The following CNTNAP2 variants were observed in gnomAD, a reference collection of about 807,000 sequenced individuals.
The protein encoded by CNTNAP2 is contactin associated protein 2, also known as contactin-associated protein-like 2.
A neutral mutation model predicts 155.2 loss-of-function variants in CNTNAP2; 98 were observed. That is an observed-to-expected ratio of 0.63 (90% CI 0.54 to 0.75). The LOEUF (loss-of-function observed/expected upper bound fraction) is 0.75. Among genes scored for constraint, CNTNAP2 ranks in the 30% least tolerant of loss-of-function variants. The pLI is 0.00. For missense variants in CNTNAP2, 1,727 were observed against 1,688.1 expected (o/e 1.02, Z -0.40); for synonymous variants, 651 against 631.2 (o/e 1.03, Z -0.47).
intron 8 of CNTNAP2, among the ~76,000 whole-genome samples, chr7:147,248,904 T>A (rs190049860): frequency 2.0e-5 from 3 of 152,212 alleles, no homozygotes; most frequent in Non-Finnish European, 4.4e-5. Flanking sequence ...TGTCTTATAA[T>A]TGAGTCAGGA....
chr7:147,696,844 TTGCATGGTCTC>T (rs1303007727), intron 13 of CNTNAP2, among the ~76,000 whole-genome samples: 1 of 152,156 alleles, frequency 6.6e-6, no homozygotes, highest in Non-Finnish European at 1.5e-5. Flanking sequence ...CTCTTCTTGC[TTGCATGGTCTC>T]TGAGGAGATG....
intron 1 of CNTNAP2, among the ~76,000 whole-genome samples, chr7:146,218,747 A>C (rs1230072754): frequency 6.6e-6 from 1 of 152,058 alleles, no homozygotes; most frequent in Non-Finnish European, 1.5e-5. Context: ...ATTAATTTAA[A>C]TTTAAATAGC....
intron 20 of CNTNAP2, among the ~76,000 whole-genome samples, chr7:148,231,750 G>T (rs1162659774): frequency 6.6e-6 from 1 of 152,150 alleles, no homozygotes; most frequent in Non-Finnish European, 1.5e-5. Flanking sequence ...TGATAGGCCT[G>T]GTTTGAGTCA....
intron 1 of CNTNAP2, among the ~76,000 whole-genome samples, chr7:146,483,205 G>A (rs1288275354): frequency 6.8e-6 from 1 of 147,308 alleles, no homozygotes; most frequent in Non-Finnish European, 1.5e-5. Flanking sequence ...GAACCTGGGA[G>A]GCGGAACTTG....
chr7:146,352,331 G>T (rs955686606), intron 1 of CNTNAP2, among the ~76,000 whole-genome samples: 1 of 151,998 alleles, frequency 6.6e-6, no homozygotes, highest in African/African-American at 2.4e-5. Context: ...GTCTTAGATG[G>T]ATCTTGCACA....
At chr7:146,286,965 A>G (rs559731259) in intron 1 of CNTNAP2, among the ~76,000 whole-genome samples, 1 of 152,272 alleles carries the variant, frequency 6.6e-6, no homozygotes, top group Admixed American at 6.5e-5. Context: ...AGGAACAAAC[A>G]CAAATTCCCC....
chr7:146,305,192 T>A (rs1230019618), intron 1 of CNTNAP2, among the ~76,000 whole-genome samples: 1 of 152,182 alleles, frequency 6.6e-6, no homozygotes, highest in Non-Finnish European at 1.5e-5. Context: ...TCAAGGTTTT[T>A]AGCTTCTTTG....
chr7:148,185,197 A>G (rs1795097447), intron 18 of CNTNAP2, among the ~76,000 whole-genome samples: 1 of 152,236 alleles, frequency 6.6e-6, no homozygotes, highest in Non-Finnish European at 1.5e-5. Flanking sequence ...TTTAGACCTC[A>G]GAGTTATACT....
chr7:147,728,146 A>G (rs6977961), intron 13 of CNTNAP2, among the ~76,000 whole-genome samples: 149,935 of 152,100 alleles, frequency 0.99, 73,921 homozygotes, highest in East Asian at 1. Flanking sequence ...AATGATGAAT[A>G]CTACTTTATA....
intron 10 of CNTNAP2, among the ~76,000 whole-genome samples, chr7:147,442,367 G>A (rs1797656832): frequency 6.6e-6 from 1 of 152,142 alleles, no homozygotes; most frequent in African/African-American, 2.4e-5. Context: ...TCAGCTTGTG[G>A]TGAATGCTGC....
intron 8 of CNTNAP2, among the ~76,000 whole-genome samples, chr7:147,225,838 GGAGGGAAA>G (rs1318980888): frequency 1.8e-4 from 18 of 98,408 alleles, no homozygotes; most frequent in South Asian, 1.0e-3. Flanking sequence ...AAGGAAGGAA[GGAGGGAAA>G]GAAGGAAGGA....
intron 15 of CNTNAP2, among the ~76,000 whole-genome samples, chr7:148,083,279 A>G (rs985554424): frequency 1.3e-5 from 2 of 152,206 alleles, no homozygotes; most frequent in Non-Finnish European, 2.9e-5. Flanking sequence ...TATGGCTGAC[A>G]CTGACATTTT....
At chr7:146,644,016 C>T (rs1396917645) in intron 1 of CNTNAP2, among the ~76,000 whole-genome samples, 2 of 152,092 alleles carry the variant, frequency 1.3e-5, no homozygotes, top group Non-Finnish European at 1.5e-5. Context: ...GATTTTGTAT[C>T]CTGAGACTTT....
chr7:147,416,285 A>G (rs1797192427), intron 10 of CNTNAP2, among the ~76,000 whole-genome samples: 1 of 152,236 alleles, frequency 6.6e-6, no homozygotes, highest in Admixed American at 6.5e-5. Flanking sequence ...CTCATGCGTG[A>G]TCATGAGCAG....
intron 1 of CNTNAP2, among the ~76,000 whole-genome samples, chr7:146,340,544 G>A (rs1468444287): frequency 6.6e-6 from 1 of 151,860 alleles, no homozygotes; most frequent in African/African-American, 2.4e-5. Flanking sequence ...AGTATTGCAT[G>A]GGTCTTACTA....
intron 1 of CNTNAP2, among the ~76,000 whole-genome samples, chr7:146,763,661 G>C (rs573866454): frequency 2.0e-5 from 3 of 152,224 alleles, no homozygotes; most frequent in African/African-American, 7.2e-5. Context: ...AGAAGAAAAT[G>C]AAAGTCAACA....
chr7:146,245,251 T>A (rs1799626329), intron 1 of CNTNAP2, among the ~76,000 whole-genome samples: 1 of 151,996 alleles, frequency 6.6e-6, no homozygotes. Flanking sequence ...GTATCAGGAA[T>A]AATGTGGGAG....
rs374354297 is a variant in CNTNAP2 at position 147,981,860 on chromosome 7, C to T, written c.2383+3871C>T. 4.6e-4 allele frequency among the ~76,000 whole-genome samples: 68 copies of T among 146,680 alleles called. 1 individual carries two copies. The East Asian group carries it at 6.7e-3, about 15-fold the overall frequency. On this transcript the variant is annotated intron_variant, in intron 15 of 23. Transcript: ENST00000361727. ...TTCTTTCTTTTTTGCAAAGCCTATCCAAATGGAAACTTCAAATCAAATGAC... is the reference window on the plus strand; with the variant it reads ...TTCTTTCTTTTTTGCAAAGCCTATCTAAATGGAAACTTCAAATCAAATGAC...
chr7:146,451,303 T>A (rs1796477420), intron 1 of CNTNAP2, among the ~76,000 whole-genome samples: 1 of 150,606 alleles, frequency 6.6e-6, no homozygotes. Context: ...GCCTTTATAA[T>A]GTTTAGAGAA....
Sources: allele counts gnomAD v4.1 joint callset (sites outside exome capture counted in the v4.1 genomes callset), GRCh38; gene constraint gnomAD v4.1.1; transcripts MANE v1.5; gene names NCBI Gene and HGNC (gene_info 2026-07-23, HGNC 2026-07-21).